The following KCNIP4 variants were observed in gnomAD, a reference collection of about 807,000 sequenced individuals.
KCNIP4 encodes the protein potassium voltage-gated channel interacting protein 4.
In KCNIP4, 12 loss-of-function variants were observed where a neutral mutation model predicts 34.0. The observed-to-expected ratio is 0.35, with a 90% CI of 0.23 to 0.57. The LOEUF (loss-of-function observed/expected upper bound fraction) is 0.57. Among genes scored for constraint, KCNIP4 ranks in the 20% least tolerant of loss-of-function variants. The pLI is 0.83. For missense variants in KCNIP4, 238 were observed against 311.7 expected (o/e 0.76, Z 1.78); for synonymous variants, 124 against 102.2 (o/e 1.21, Z -1.29).
chr4:21,820,285 G>GTATATATATATATA (rs869204752), intron 1 of KCNIP4, among the ~76,000 whole-genome samples: 1 of 20,646 alleles, frequency 4.8e-5, no homozygotes, highest in African/African-American at 9.5e-5. Context: ...GTGTGTGTGT[G>GTATATATATATATA]TATATATATA....
intron 1 of KCNIP4, among the ~76,000 whole-genome samples, chr4:21,480,707 T>A (rs964859048): frequency 6.6e-6 from 1 of 152,172 alleles, no homozygotes; most frequent in South Asian, 2.1e-4. Flanking sequence ...ACACATAGAA[T>A]ATGTCTAGTT....
chr4:21,375,429 T>C (rs2109454290), intron 1 of KCNIP4, among the ~76,000 whole-genome samples: 1 of 152,312 alleles, frequency 6.6e-6, no homozygotes, highest in African/African-American at 2.4e-5. Context: ...ACTGAGGGGC[T>C]AATAATGTAC....
intron 1 of KCNIP4, among the ~76,000 whole-genome samples, chr4:21,445,180 T>A (rs548985339): frequency 4.6e-5 from 7 of 152,222 alleles, no homozygotes; most frequent in South Asian, 4.1e-4. Context: ...AATCAATATC[T>A]TGAAAATGGC....
chr4:21,532,072 T>C (rs770174970), intron 1 of KCNIP4, among the ~76,000 whole-genome samples: 96 of 152,298 alleles, frequency 6.3e-4, no homozygotes, highest in Non-Finnish European at 1.2e-3. Context: ...GAAAATCATT[T>C]CTGATGTGTC....
chr4:21,226,834 G>A (rs192433006), intron 1 of KCNIP4, among the ~76,000 whole-genome samples: 6 of 152,170 alleles, frequency 3.9e-5, no homozygotes, highest in East Asian at 1.9e-4. Context: ...TCAACTTGAT[G>A]TGAAATAGCT....
intron 1 of KCNIP4, among the ~76,000 whole-genome samples, chr4:21,765,521 A>G (rs1484146174): frequency 1.3e-5 from 2 of 152,026 alleles, no homozygotes; most frequent in Non-Finnish European, 2.9e-5. Flanking sequence ...GGGCTGTTTG[A>G]AAGAGAGGAA....
chr4:21,044,791 C>A (rs1353308608), intron 1 of KCNIP4, among the ~76,000 whole-genome samples: 1 of 152,218 alleles, frequency 6.6e-6, no homozygotes, highest in African/African-American at 2.4e-5. Context: ...CCACTCTGAT[C>A]AATCTGTGAA....
intron 1 of KCNIP4, among the ~76,000 whole-genome samples, chr4:21,725,426 G>T (rs955796388): frequency 3.3e-5 from 5 of 152,084 alleles, no homozygotes; most frequent in Non-Finnish European, 5.9e-5. Flanking sequence ...GGTTACAAAG[G>T]CAGCAAAACG....
rs1056611339 is a variant in KCNIP4 at position 21,188,936 on chromosome 4, T to A, written c.62-306227A>T. Reference sequence around the variant, plus strand: ...AAAAGTTTGGAAAGGCAGAACAGGTTGTGGTGAGGAGACAGCTGTAGAGTT... The same window carrying A: ...AAAAGTTTGGAAAGGCAGAACAGGTAGTGGTGAGGAGACAGCTGTAGAGTT... On this transcript the variant is annotated intron_variant, in intron 1 of 8. Coordinates refer to ENST00000382152, the MANE Select transcript of KCNIP4 (RefSeq NM_025221.6). Among the ~76,000 whole-genome samples the A allele has an allele frequency of 2.0e-5, 3 of 152,164 alleles. No individual in the cohort carries two copies. In the South Asian group the frequency reaches 6.2e-4, roughly 31 times the overall value.
intron 1 of KCNIP4, among the ~76,000 whole-genome samples, chr4:21,494,681 G>A (rs1276780062): frequency 1.3e-5 from 2 of 151,048 alleles, no homozygotes; most frequent in Non-Finnish European, 2.9e-5. Context: ...TCTGAGGCAA[G>A]AGAATCGCTT....
At chr4:21,237,385 A>G (rs1353234372) in intron 1 of KCNIP4, among the ~76,000 whole-genome samples, 1 of 152,136 alleles carries the variant, frequency 6.6e-6, no homozygotes, top group Non-Finnish European at 1.5e-5. Flanking sequence ...GTAATAACAT[A>G]ATAATGTAAT....
At chr4:21,265,498 C>T (rs1336663127) in intron 1 of KCNIP4, among the ~76,000 whole-genome samples, 1 of 152,130 alleles carries the variant, frequency 6.6e-6, no homozygotes. Context: ...TGAAGTCATC[C>T]ACTTACCGAG....
intron 3 of KCNIP4, among the ~76,000 whole-genome samples, chr4:20,820,092 T>A (rs1716920450): frequency 6.6e-6 from 1 of 152,162 alleles, no homozygotes; most frequent in Non-Finnish European, 1.5e-5. Context: ...AAAGTCTCTA[T>A]TCCTGTGAAT....
At chr4:21,291,883 GAAAGA>G (rs1763520182) in intron 1 of KCNIP4, among the ~76,000 whole-genome samples, 2 of 21,520 alleles carry the variant, frequency 9.3e-5, no homozygotes, top group Non-Finnish European at 1.6e-4. Context: ...AAGAAAGAAA[GAAAGA>G]AAGAAAGAAA....
At chr4:21,809,716 T>C (rs1237905056) in intron 1 of KCNIP4, among the ~76,000 whole-genome samples, 1 of 152,164 alleles carries the variant, frequency 6.6e-6, no homozygotes, top group Non-Finnish European at 1.5e-5. Context: ...CCACAGGAAG[T>C]TTAATTCTTT....
intron 1 of KCNIP4, among the ~76,000 whole-genome samples, chr4:21,042,112 G>A (rs1311305179): frequency 1.3e-5 from 2 of 152,170 alleles, no homozygotes; most frequent in Admixed American, 6.5e-5. Flanking sequence ...TCACATCTGT[G>A]AGATGGGAGC....
intron 1 of KCNIP4, among the ~76,000 whole-genome samples, chr4:21,401,953 G>T (rs139094335): frequency 7.0e-4 from 106 of 152,268 alleles, no homozygotes; most frequent in Middle Eastern, 6.8e-3. Context: ...TGCTGATTTT[G>T]ACTTTTCCCT....
chr4:21,731,270 C>T (rs115494516), intron 1 of KCNIP4, among the ~76,000 whole-genome samples: 4,340 of 152,148 alleles, frequency 0.029, 188 homozygotes, highest in African/African-American at 0.098. Context: ...AGCTTCTTTA[C>T]ACATCAAGAG....
At chr4:21,305,231 A>T (rs2109255834) in intron 1 of KCNIP4, among the ~76,000 whole-genome samples, 1 of 152,314 alleles carries the variant, frequency 6.6e-6, no homozygotes, top group East Asian at 1.9e-4. Flanking sequence ...GGCATCCTTC[A>T]CTTGGGGTTG....
Sources: gnomAD v4.1 joint callset for allele counts (sites outside exome capture counted in the v4.1 genomes callset) on GRCh38, gnomAD v4.1.1 for gene constraint, MANE v1.5 for transcripts, NCBI Gene and HGNC (gene_info 2026-07-23, HGNC 2026-07-21) for gene names.